The following LRIG1 variants were observed in gnomAD, a reference collection of about 807,000 sequenced individuals.
LRIG1 encodes leucine rich repeats and immunoglobulin like domains 1.
LRIG1 carries 48 observed loss-of-function variants against 99.2 expected under a neutral mutation model. The ratio of observed to expected loss-of-function variants is 0.48; its 90% CI spans 0.38 to 0.62. The LOEUF (loss-of-function observed/expected upper bound fraction) is 0.62, where lower values mean the gene tolerates loss of function less well. Ranked by LOEUF, LRIG1 falls within the 20% of genes least tolerant of loss-of-function variation. The pLI is 0.00. For missense variants in LRIG1, 1,646 were observed against 1,434.4 expected, an observed-to-expected ratio of 1.15 and a Z score of -2.38; for synonymous variants, 772 against 596.1, an observed-to-expected ratio of 1.29 and a Z score of -4.30.
rs112544934 is a variant in LRIG1 at position 66,407,442 on chromosome 3, C to T, written c.985G>A (p.Glu329Lys). ...CGCAGGACACTCAGGCTGCTCAGCT[C>T]GGCCAGGCTCTCCTCGTCCAGCCGT... ...LTRLDEESLA[E>K]LSSLSVLRLS... is the part of the protein sequence containing the mutation. Residue 329 changes from glutamate (E) to lysine (K), a missense_variant, in exon 8 of 19, where the codon GAG becomes AAG. Coordinates refer to ENST00000273261, the MANE Select transcript of LRIG1 (RefSeq NM_015541.3). 876 of 1,613,958 alleles carry T rather than the reference C, an allele frequency of 5.4e-4. 1 individual carries two copies. The highest frequency in any genetic ancestry group is 1.2e-3 in the East Asian group (52 of 44,862).
At chr3:66,476,219 C>T (rs2106881093) in intron 1 of LRIG1, among the ~76,000 whole-genome samples, 1 of 152,202 alleles carries the variant, frequency 6.6e-6, no homozygotes, top group East Asian at 1.9e-4. Flanking sequence ...GTAAATGAAC[C>T]CCAAGAGTCA....
chr3:66,415,046 C>T lies in LRIG1; in HGVS notation c.521G>A (p.Arg174Gln), dbSNP rs755362990. The T allele has an allele frequency of 1.2e-6, 2 of 1,601,686 alleles. No individual in the cohort carries two copies. The highest frequency in any genetic ancestry group is 1.1e-5 in the South Asian group (1 of 88,832). ...TGCTCCCAACTCCAGGGTGCCAATC[C>T]GATTGCCTGCCAGGTTGCTGGAATG... is the stretch of plus-strand genomic sequence containing the variant. ...PIKELNLAGNRIGTLELGAFD... is the reference protein window; with the variant it reads ...PIKELNLAGNQIGTLELGAFD... Residue 174 changes from arginine (R) to glutamine (Q), a missense_variant, in exon 5 of 19, where the codon CGG becomes CAG. Physicochemically the swap from Arg to Gln is conservative, Grantham distance 43 (BLOSUM62 1). Transcript: ENST00000273261.
chr3:66,407,608 C>T (rs1283480446), intron 7 of LRIG1, 117 bp from the exon 8 acceptor site: 18 of 1,159,500 alleles, frequency 1.6e-5, no homozygotes, highest in South Asian at 1.3e-4. Context: ...CAGATGCACA[C>T]GCACGCGCGT....
rs915173033 is a variant in LRIG1, at chr3:66,380,203, G to C, written c.*60C>G. 17 of 1,422,934 alleles carry C rather than the reference G, an allele frequency of 1.2e-5. No homozygotes were observed. The highest frequency in any genetic ancestry group is 1.6e-5 in the Non-Finnish European group (17 of 1,039,036). The allele number at this position is 1,422,934 out of a possible 1,614,324, so 88.1% of individuals were successfully genotyped here. ...ACGCTTGAACCCAAGCTTCCTCGCA[G>C]CCTCTCCTACCTCTCTTTCCCGTAG... On this transcript the variant is annotated 3_prime_UTR_variant, in exon 19 of 19. Transcript: ENST00000273261.
At chr3:66,430,240 A>G (rs749600898) in intron 3 of LRIG1, among the ~76,000 whole-genome samples, 4 of 152,250 alleles carry the variant, frequency 2.6e-5, no homozygotes, top group Non-Finnish European at 2.9e-5. Flanking sequence ...AAACTTTTAA[A>G]AAGAAAAAAA....
In LRIG1 at chr3:66,381,492, C is replaced by A. The variant is rs752535811; in HGVS notation, c.2757G>T (p.Gly919=). The part of the protein sequence containing the change: ...KAMEKAEGTP[G]PHKMEHGGRV... ...AGCATCTCATACCCATCTTATGTGG[C>A]CCAGGTGTCCCTTCAGCTTTCTCCA... is the stretch of plus-strand genomic sequence containing the variant. Residue 919 remains glycine (G), a synonymous_variant, in exon 17 of 19, where the codon GGG becomes GGT. Coordinates refer to ENST00000273261, the MANE Select transcript of LRIG1 (RefSeq NM_015541.3). 2.5e-5 allele frequency: 41 copies of A among 1,613,398 alleles called. No individual in the cohort carries two copies. Among genetic ancestry groups the A allele is most frequent in the Non-Finnish European group, 3.3e-5 (39 of 1,179,500 alleles).
At position 66,393,711 on chromosome 3, in the gene LRIG1, C is replaced by T. The variant is rs553479210; in HGVS notation, c.1468+329G>A. On this transcript the variant is annotated intron_variant, in intron 12 of 18. Coordinates refer to ENST00000273261, the MANE Select transcript of LRIG1 (RefSeq NM_015541.3). Reference sequence around the variant, plus strand: ...CACACATTAAAACGCCAGCCTCGTACGCGGAGTACATTCGCAGCTAAACCC... The same window carrying T: ...CACACATTAAAACGCCAGCCTCGTATGCGGAGTACATTCGCAGCTAAACCC... Among the ~76,000 whole-genome samples, 3 of 152,342 alleles carry T rather than the reference C, an allele frequency of 2.0e-5. No homozygotes were observed. In the South Asian group the frequency reaches 6.2e-4, roughly 32 times the overall value.
chr3:66,477,728 G>T (rs1700753989), intron 1 of LRIG1, among the ~76,000 whole-genome samples: 1 of 152,048 alleles, frequency 6.6e-6, no homozygotes, highest in South Asian at 2.1e-4. Context: ...TTTTAAAGAT[G>T]TTATCATCAG....
intron 11 of LRIG1, among the ~76,000 whole-genome samples, 185 bp from the exon 12 acceptor site, chr3:66,394,388 G>A (rs760281592): frequency 6.6e-6 from 1 of 152,160 alleles, no homozygotes; most frequent in Admixed American, 6.5e-5. Flanking sequence ...AACCCACCTG[G>A]AGATTTTGAA....
chr3:66,380,912 G>C (rs148647562), intron 17 of LRIG1, 51 bp from the exon 18 acceptor site: 1 of 1,578,714 alleles, frequency 6.3e-7, no homozygotes, highest in Non-Finnish European at 8.7e-7. Flanking sequence ...GGGAGTCTTC[G>C]TCCCCACACA....
In LRIG1 at chr3:66,380,496, G is replaced by T. The variant is rs1374752189; in HGVS notation, c.3056-7C>A. ...AAAGTCCAGGAAGAATCCCCTACAA[G>T]GAAAGAACGAACCTGTCAGACCCCC... is the stretch of plus-strand genomic sequence containing the variant. On this transcript the variant is annotated splice_region_variant and splice_polypyrimidine_tract_variant and intron_variant, in intron 18 of 18. Coordinates refer to ENST00000273261, the MANE Select transcript of LRIG1 (RefSeq NM_015541.3). 6.2e-7 allele frequency: 1 copy of T among 1,614,156 alleles called. No homozygotes were observed.
chr3:66,449,739 A>G (rs1575701174), intron 3 of LRIG1, among the ~76,000 whole-genome samples: 2 of 152,176 alleles, frequency 1.3e-5, no homozygotes, highest in Admixed American at 6.5e-5. Context: ...TTTACAACTT[A>G]TAAGACCTCC....
chr3:66,396,562 T>TATC (rs1244791124), intron 11 of LRIG1, among the ~76,000 whole-genome samples: 1 of 152,120 alleles, frequency 6.6e-6, no homozygotes, highest in Non-Finnish European at 1.5e-5. Flanking sequence ...TCCAGCGAGG[T>TATC]ATATGCAGCA....
At chr3:66,408,964 T>TGTGTGTGGG (rs1575668634) in intron 7 of LRIG1, among the ~76,000 whole-genome samples, 55 of 17,168 alleles carry the variant, frequency 3.2e-3, no homozygotes, top group East Asian at 0.02. Flanking sequence ...GTGTGTGTGG[T>TGTGTGTGGG]GGGGGGAGGG....
Position 66,381,917 on chromosome 3 carries a change from G to C in LRIG1, c.2618-286C>G, listed in dbSNP as rs147651584. 2.1e-3 allele frequency among the ~76,000 whole-genome samples: 325 copies of C among 152,216 alleles called. 1 individual carries two copies. Among genetic ancestry groups the C allele is most frequent in the South Asian group, 0.011 (52 of 4,820 alleles). The stretch of plus-strand genomic sequence containing the variant: ...ACCTCATCCTGGTGACAGCTTTCCA[G>C]TGTAAGACTGGATCACAGAGCAGAC... On this transcript the variant is annotated intron_variant, in intron 16 of 18. Coordinates refer to ENST00000273261, the MANE Select transcript of LRIG1 (RefSeq NM_015541.3).
chr3:66,440,169 G>A (rs768489753), intron 3 of LRIG1, among the ~76,000 whole-genome samples: 1 of 152,122 alleles, frequency 6.6e-6, no homozygotes, highest in African/African-American at 2.4e-5. Context: ...ACACTGAAAT[G>A]ACCTGGAGAG....
At chr3:66,458,209 G>C (rs999681335) in intron 2 of LRIG1, among the ~76,000 whole-genome samples, 1 of 152,122 alleles carries the variant, frequency 6.6e-6, no homozygotes, top group Admixed American at 6.5e-5. Context: ...TCAACCTCCT[G>C]GGCTCAAGCG....
intron 1 of LRIG1, among the ~76,000 whole-genome samples, chr3:66,478,560 G>A (rs1700777013): frequency 6.6e-6 from 1 of 152,200 alleles, no homozygotes; most frequent in African/African-American, 2.4e-5. Flanking sequence ...AGACTCCAAA[G>A]CAATTTCCTC....
intron 3 of LRIG1, among the ~76,000 whole-genome samples, chr3:66,428,235 T>A (rs957992891): frequency 1.3e-5 from 2 of 152,278 alleles, no homozygotes; most frequent in Middle Eastern, 6.8e-3. Context: ...AGTTTTCTTT[T>A]AAATCAAGTC....
Sources: allele counts gnomAD v4.1 joint callset (sites outside exome capture counted in the v4.1 genomes callset), GRCh38; gene constraint gnomAD v4.1.1; transcripts MANE v1.5; gene names NCBI Gene and HGNC (gene_info 2026-07-23, HGNC 2026-07-21).